Variants in FRYL observed in about 807,000 individuals in gnomAD.
The protein encoded by FRYL is FRY like transcription coactivator.
Under a neutral mutation model 351.2 loss-of-function variants are expected in FRYL, and 150 were observed. That is an observed-to-expected ratio of 0.43 (90% CI 0.37 to 0.49). FRYL has a LOEUF of 0.49. Ranked by LOEUF, FRYL falls within the 20% of genes least tolerant of loss-of-function variation. The pLI, the probability that FRYL is intolerant of heterozygous loss-of-function variation, is 0.00. For synonymous variants in FRYL, 1,153 were observed against 1,257.1 expected (o/e 0.92, Z 1.75); for missense variants, 3,036 against 3,619.3 (o/e 0.84, Z 4.13).
chr4:48,692,439 C>T (rs764096955), intron 2 of FRYL, among the ~76,000 whole-genome samples: 2 of 151,858 alleles, frequency 1.3e-5, no homozygotes, highest in Non-Finnish European at 2.9e-5. Flanking sequence ...GCCGCCCAGG[C>T]TGGAGTGCAG....
chr4:48,716,192 T>G (rs1420069898), intron 1 of FRYL, among the ~76,000 whole-genome samples: 3 of 151,754 alleles, frequency 2.0e-5, no homozygotes, highest in Non-Finnish European at 4.4e-5. Context: ...ACCTAGGCAT[T>G]ACCATTCAGG....
intron 3 of FRYL, among the ~76,000 whole-genome samples, chr4:48,665,110 T>A (rs540302328): frequency 6.6e-6 from 1 of 152,314 alleles, no homozygotes; most frequent in African/African-American, 2.4e-5. Context: ...TAATTTGGGG[T>A]GTGGTTACCT....
intron 24 of FRYL, 120 bp from the exon 25 acceptor site, chr4:48,575,361 G>C: frequency 9.6e-7 from 1 of 1,044,326 alleles, no homozygotes; most frequent in African/African-American, 1.6e-5. Context: ...TACTATGAAT[G>C]ATACCTCAAA....
intron 54 of FRYL, 32 bp downstream of exon 54, chr4:48,522,869 A>C (rs1231870285): frequency 4.6e-5 from 71 of 1,536,896 alleles, no homozygotes; most frequent in Non-Finnish European, 6.2e-5. Context: ...AAATGAGACC[A>C]AATGTCACTG....
intron 15 of FRYL, among the ~76,000 whole-genome samples, chr4:48,594,789 A>G (rs1029912643): frequency 1.3e-5 from 2 of 152,198 alleles, no homozygotes; most frequent in Admixed American, 1.3e-4. Flanking sequence ...CATGTTGACG[A>G]GATAACCTTA....
chr4:48,740,225 C>T (rs1771891146), intron 1 of FRYL, among the ~76,000 whole-genome samples: 1 of 151,126 alleles, frequency 6.6e-6, no homozygotes, highest in East Asian at 1.9e-4. Context: ...AAACCTACAT[C>T]TGATAAAGTA....
At chr4:48,716,131 G>A (rs1259398878) in intron 1 of FRYL, among the ~76,000 whole-genome samples, 1 of 152,032 alleles carries the variant, frequency 6.6e-6, no homozygotes, top group African/African-American at 2.4e-5. Flanking sequence ...AATTCAAGAT[G>A]GATTAAAGAC....
intron 7 of FRYL, among the ~76,000 whole-genome samples, chr4:48,612,749 T>A (rs1748492930): frequency 6.6e-6 from 1 of 151,112 alleles, no homozygotes; most frequent in Non-Finnish European, 1.5e-5. Context: ...TGGCTAATTT[T>A]TTTTTTTTTT....
chr4:48,587,254 T>G (rs910084084), intron 18 of FRYL, among the ~76,000 whole-genome samples: 16 of 152,064 alleles, frequency 1.1e-4, no homozygotes, highest in Non-Finnish European at 1.9e-4. Flanking sequence ...CACACATAAA[T>G]ACACATACTT....
chr4:48,702,551 G>A (rs577486324), intron 2 of FRYL, among the ~76,000 whole-genome samples: 3 of 146,626 alleles, frequency 2.0e-5, no homozygotes, highest in African/African-American at 5.1e-5. Flanking sequence ...CGAGGCAGGC[G>A]GATTACGAGG....
intron 2 of FRYL, among the ~76,000 whole-genome samples, chr4:48,708,364 G>A (rs751225542): frequency 2.0e-5 from 3 of 152,110 alleles, no homozygotes; most frequent in Admixed American, 1.3e-4. Flanking sequence ...CTACTCGGGT[G>A]GCTGAGGCAC....
At chr4:48,551,212 G>A (rs1036147906) in intron 37 of FRYL, among the ~76,000 whole-genome samples, 3 of 152,010 alleles carry the variant, frequency 2.0e-5, no homozygotes, top group Non-Finnish European at 4.4e-5. Flanking sequence ...AAAACAGGTG[G>A]AGTAAATACC....
chr4:48,528,238 A>T lies in FRYL; in HGVS notation c.7002T>A (p.Thr2334=), dbSNP rs1314006319. The T allele has an allele frequency of 6.2e-7, 1 of 1,613,414 alleles. No individual in the cohort carries two copies. Among genetic ancestry groups the T allele is most frequent in the East Asian group, 2.2e-5 (1 of 44,850 alleles). Residue 2334 remains threonine (T), a synonymous_variant, in exon 51 of 64, where the codon ACT becomes ACA. Coordinates refer to ENST00000358350, the MANE Select transcript of FRYL (RefSeq NM_015030.2). ...AGGCATTAGAATTAGAACCAGAAGA[A>T]GTTGAGGAAGTACTTCTAGTGACAG... ...VIAVTRSTSS[T]SSGSNSNALV... is the part of the protein sequence containing the mutation.
At chr4:48,503,720 A>G (rs1720264880) in intron 60 of FRYL, among the ~76,000 whole-genome samples, 1 of 152,266 alleles carries the variant, frequency 6.6e-6, no homozygotes, top group Non-Finnish European at 1.5e-5. Context: ...ATTCCTATCA[A>G]TTTAGAAGGG....
At chr4:48,505,501 C>A in intron 60 of FRYL, 46 bp downstream of exon 60, 1 of 1,082,452 alleles carries the variant, frequency 9.2e-7, no homozygotes, top group South Asian at 1.3e-5. Context: ...ATTGTTTTAC[C>A]TGATACAGAA....
chr4:48,704,997 TG>T lies in FRYL; in HGVS notation c.-204+5521del, dbSNP rs1767162148. ...TTAGCCAGGCATGGTAGCGCACACC[TG>T]TCATCCCAGCTACTCGGGTGGCTGA... On this transcript the variant is annotated intron_variant, in intron 2 of 63. Coordinates refer to ENST00000358350, the MANE Select transcript of FRYL (RefSeq NM_015030.2). Among the ~76,000 whole-genome samples the T allele has an allele frequency of 2.0e-5, 3 of 148,744 alleles. No homozygotes were observed. In the South Asian group the frequency reaches 6.4e-4, roughly 32 times the overall value.
At chr4:48,636,268 C>A (rs780261452) in intron 3 of FRYL, among the ~76,000 whole-genome samples, 5 of 151,940 alleles carry the variant, frequency 3.3e-5, no homozygotes, top group Non-Finnish European at 7.4e-5. Context: ...GAAGAGCTCT[C>A]TAATTTTTAA....
intron 3 of FRYL, among the ~76,000 whole-genome samples, chr4:48,666,554 A>G (rs1761747670): frequency 6.6e-6 from 1 of 152,152 alleles, no homozygotes; most frequent in Non-Finnish European, 1.5e-5. Context: ...GCAATTTAGA[A>G]AAAGCTAACT....
intron 27 of FRYL, among the ~76,000 whole-genome samples, chr4:48,568,999 A>G (rs1462748124): frequency 1.3e-5 from 2 of 152,208 alleles, no homozygotes; most frequent in African/African-American, 2.4e-5. Context: ...CAGAATAGCA[A>G]TAACTTTCTA....
Sources: allele counts gnomAD v4.1 joint callset (sites outside exome capture counted in the v4.1 genomes callset), GRCh38; gene constraint gnomAD v4.1.1; transcripts MANE v1.5; gene names NCBI Gene and HGNC (gene_info 2026-07-23, HGNC 2026-07-21).